Variants in DCC observed in about 807,000 individuals in gnomAD.
DCC encodes DCC netrin 1 receptor, also known as netrin receptor DCC.
DCC carries 58 observed loss-of-function variants against 172.5 expected under a neutral mutation model. The ratio of observed to expected loss-of-function variants is 0.34; its 90% CI spans 0.27 to 0.42. The LOEUF is 0.42. Among genes scored for constraint, DCC ranks in the 10% least tolerant of loss-of-function variants. The probability of loss-of-function intolerance (pLI) is 1.00; values close to 1 mark genes in which losing one functional copy is unlikely to be tolerated. For missense variants in DCC, 1,740 were observed against 1,791.0 expected (o/e 0.97, Z 0.51); for synonymous variants, 709 against 644.5 (o/e 1.10, Z -1.52).
chr18:52,951,300 T>C (rs569110667), intron 5 of DCC, among the ~76,000 whole-genome samples: 1 of 152,310 alleles, frequency 6.6e-6, no homozygotes, highest in East Asian at 1.9e-4. Flanking sequence ...AAATCTGGAA[T>C]GCATGTGCAG....
intron 2 of DCC, among the ~76,000 whole-genome samples, chr18:52,817,803 A>ATGTG (rs1555668566): frequency 0.061 from 9,310 of 151,480 alleles, 309 homozygotes; most frequent in East Asian, 0.088. Flanking sequence ...ATATATATAT[A>ATGTG]TGTGTGTGTG....
chr18:52,786,017 T>A (rs1313607963), intron 2 of DCC, among the ~76,000 whole-genome samples: 1 of 152,140 alleles, frequency 6.6e-6, no homozygotes, highest in Non-Finnish European at 1.5e-5. Context: ...TGTCCACTAT[T>A]CCAGTTAGAA....
At chr18:53,417,050 T>A (rs979688842) in intron 21 of DCC, among the ~76,000 whole-genome samples, 1 of 152,212 alleles carries the variant, frequency 6.6e-6, no homozygotes, top group Non-Finnish European at 1.5e-5. Context: ...TCATATAGTT[T>A]GTTTCCTTCC....
chr18:52,474,792 A>G (rs1989047257), intron 1 of DCC, among the ~76,000 whole-genome samples: 1 of 152,198 alleles, frequency 6.6e-6, no homozygotes, highest in African/African-American at 2.4e-5. Flanking sequence ...CTGTATCATA[A>G]TGGTTTTCTG....
intron 1 of DCC, among the ~76,000 whole-genome samples, chr18:52,643,240 G>T (rs1228850273): frequency 2.0e-5 from 3 of 152,168 alleles, no homozygotes; most frequent in Non-Finnish European, 4.4e-5. Context: ...GTTCAGACAA[G>T]AAGATTTTCT....
At chr18:52,840,767 A>T in intron 2 of DCC, among the ~76,000 whole-genome samples, 1 of 152,180 alleles carries the variant, frequency 6.6e-6, no homozygotes, top group Non-Finnish European at 1.5e-5. Context: ...AACCATGAAC[A>T]TCATTAACAT....
chr18:53,487,521 A>C (rs926920073), intron 26 of DCC, among the ~76,000 whole-genome samples: 1 of 136,398 alleles, frequency 7.3e-6, no homozygotes, highest in Non-Finnish European at 1.6e-5. Context: ...CTGCTGTGCC[A>C]TTTGACTCTT....
intron 5 of DCC, among the ~76,000 whole-genome samples, chr18:53,059,827 T>C (rs779521703): frequency 3.3e-5 from 5 of 152,154 alleles, no homozygotes; most frequent in Non-Finnish European, 5.9e-5. Flanking sequence ...ATTTTGTTGC[T>C]TGAGTTTTTT....
chr18:52,356,067 G>A (rs772220145), intron 1 of DCC, among the ~76,000 whole-genome samples: 5 of 152,152 alleles, frequency 3.3e-5, no homozygotes, highest in African/African-American at 4.8e-5. Flanking sequence ...TTTCCCAAGC[G>A]AATTTATGAT....
intron 7 of DCC, among the ~76,000 whole-genome samples, chr18:53,139,366 T>TGTTGTG (rs1393838564): frequency 6.6e-6 from 1 of 152,172 alleles, no homozygotes; most frequent in African/African-American, 2.4e-5. Flanking sequence ...TGGTAATTTA[T>TGTTGTG]GTTGTGTTAT....
intron 22 of DCC, among the ~76,000 whole-genome samples, chr18:53,442,037 T>G (rs971396078): frequency 6.6e-6 from 1 of 152,248 alleles, no homozygotes; most frequent in Non-Finnish European, 1.5e-5. Flanking sequence ...TGCTTCAGCC[T>G]GTTGCTTTCA....
At chr18:53,292,012 T>TA (rs1341361996) in intron 12 of DCC, among the ~76,000 whole-genome samples, 1 of 152,010 alleles carries the variant, frequency 6.6e-6, no homozygotes, top group East Asian at 1.9e-4. Flanking sequence ...TTATCAGATG[T>TA]AAAAAATGCT....
intron 1 of DCC, among the ~76,000 whole-genome samples, chr18:52,377,852 A>G (rs935039924): frequency 6.6e-6 from 1 of 151,910 alleles, no homozygotes; most frequent in African/African-American, 2.4e-5. Flanking sequence ...GATTACATGC[A>G]TGCACCGCCA....
intron 7 of DCC, among the ~76,000 whole-genome samples, chr18:53,109,305 A>G (rs1031235237): frequency 6.6e-5 from 10 of 151,370 alleles, no homozygotes; most frequent in African/African-American, 2.4e-4. Flanking sequence ...TAGTATTTTA[A>G]TATTTTATAA....
At chr18:52,799,865 A>G (rs1040064964) in intron 2 of DCC, among the ~76,000 whole-genome samples, 1 of 152,182 alleles carries the variant, frequency 6.6e-6, no homozygotes, top group Non-Finnish European at 1.5e-5. Flanking sequence ...ATTAATGTCA[A>G]GTTTGGCTAG....
intron 15 of DCC, among the ~76,000 whole-genome samples, chr18:53,366,524 A>G (rs2058006523): frequency 6.6e-6 from 1 of 152,124 alleles, no homozygotes; most frequent in Admixed American, 6.6e-5. Flanking sequence ...GAATAAGGAC[A>G]CTCATTTCTC....
At chr18:52,446,216 C>A (rs1393257456) in intron 1 of DCC, among the ~76,000 whole-genome samples, 1 of 152,154 alleles carries the variant, frequency 6.6e-6, no homozygotes, top group Non-Finnish European at 1.5e-5. Flanking sequence ...CCACCGTGCC[C>A]GGCCTCCTTA....
At chr18:52,961,423 A>T (rs1432689132) in intron 5 of DCC, among the ~76,000 whole-genome samples, 1 of 152,188 alleles carries the variant, frequency 6.6e-6, no homozygotes, top group Non-Finnish European at 1.5e-5. Context: ...ATCTATCTTT[A>T]TATGAAAAGT....
At chr18:52,905,686 A>C (rs1292527512) in intron 2 of DCC, among the ~76,000 whole-genome samples, 2 of 152,212 alleles carry the variant, frequency 1.3e-5, no homozygotes, top group Non-Finnish European at 2.9e-5. Flanking sequence ...TGCTGTCTGT[A>C]GGACTGTCAT....
Sources: gnomAD v4.1 joint callset for allele counts (sites outside exome capture counted in the v4.1 genomes callset) on GRCh38, gnomAD v4.1.1 for gene constraint, MANE v1.5 for transcripts, NCBI Gene and HGNC (gene_info 2026-07-23, HGNC 2026-07-21) for gene names.